SLC35D1: variants seen among roughly 807,000 people sequenced by gnomAD.
SLC35D1 encodes nucleotide sugar transporter SLC35D1.
In SLC35D1, 31 loss-of-function variants were observed where a neutral mutation model predicts 46.7. The observed-to-expected ratio is 0.66, with a 90% CI of 0.50 to 0.90. SLC35D1 has a LOEUF of 0.90. SLC35D1 is among the 40% of genes least tolerant of loss of function. SLC35D1 has a pLI of 0.00. For missense variants in SLC35D1, 397 were observed against 426.2 expected (o/e 0.93, Z 0.60); for synonymous variants, 195 against 164.6 (o/e 1.18, Z -1.41).
At chr1:67,052,146 C>G in intron 3 of SLC35D1, 67 bp from the exon 4 acceptor site, 3 of 1,149,988 alleles carry the variant, frequency 2.6e-6, no homozygotes, top group Non-Finnish European at 3.9e-6. Context: ...TCCTTTCAAA[C>G]AGAAACAATT....
Position 67,002,977 on chromosome 1 carries a change from T to C in SLC35D1, c.*1363A>G, listed in dbSNP as rs992126889. ...CAAGAGGCAATTTAGGCAGTGCCCATTCACAGCTGCTCTCCCAAAATGCAG... is the reference window on the plus strand; with the variant it reads ...CAAGAGGCAATTTAGGCAGTGCCCACTCACAGCTGCTCTCCCAAAATGCAG... On this transcript the variant is annotated 3_prime_UTR_variant, in exon 12 of 12. Transcript: ENST00000235345. 1.3e-5 allele frequency: 2 copies of C among 152,360 alleles called. No individual in the cohort carries two copies. Among genetic ancestry groups the C allele is most frequent in the African/African-American group, 4.8e-5 (2 of 41,446 alleles). 9.4% of individuals were successfully genotyped at this position (152,360 alleles called of 1,614,324 possible).
At chr1:67,051,315 G>T (rs1645305864) in intron 4 of SLC35D1, among the ~76,000 whole-genome samples, 1 of 152,186 alleles carries the variant, frequency 6.6e-6, no homozygotes, top group South Asian at 2.1e-4. Flanking sequence ...CAGGGTTTTA[G>T]CTTGTGTGGT....
At position 67,049,766 on chromosome 1, in the gene SLC35D1, T is replaced by C; in HGVS notation, c.533+16A>G. On this transcript the variant is annotated intron_variant, in intron 6 of 11. Coordinates refer to ENST00000235345, the MANE Select transcript of SLC35D1 (RefSeq NM_015139.3). ...TTGACAATTTATAATGTGCTAGTCA[T>C]AGGCCCACATCTTACCTGGCAGCTA... is the stretch of plus-strand genomic sequence containing the variant. 6.2e-7 allele frequency: 1 copy of C among 1,607,714 alleles called. No homozygotes were observed.
intron 10 of SLC35D1, among the ~76,000 whole-genome samples, chr1:67,018,896 T>C (rs1430724495): frequency 1.3e-5 from 2 of 152,164 alleles, no homozygotes; most frequent in Non-Finnish European, 2.9e-5. Context: ...AAGCCATCCT[T>C]CAACAGTGAT....
At chr1:67,013,157 G>GATATATATATATATACGTATAT (rs964691631) in intron 10 of SLC35D1, among the ~76,000 whole-genome samples, 7 of 29,812 alleles carry the variant, frequency 2.3e-4, no homozygotes, top group African/African-American at 1.3e-3. Flanking sequence ...ATATCCTGGA[G>GATATATATATATATACGTATAT]ATATATATAT....
the SLC35D1 span, chr1:66,985,481 G>A: frequency 1.0e-6 from 1 of 983,106 alleles, no homozygotes. Context: ...GGTCAGGTTT[G>A]TATATGTAAA....
In SLC35D1 at chr1:67,042,305, G is replaced by A; in HGVS notation, c.660C>T (p.Leu220=). Residue 220 remains leucine, a synonymous_variant, in exon 8 of 12, where the codon CTC becomes CTT. Transcript: ENST00000235345. ...DSKELGKYGL[L]YYNALFMILP... is the part of the protein sequence containing the mutation. Reference sequence around the variant, plus strand: ...GAATCATGAACAGTGCATTGTAATAGAGCAGTCCATATTTTCCCAGCTCCT... The same window carrying A: ...GAATCATGAACAGTGCATTGTAATAAAGCAGTCCATATTTTCCCAGCTCCT... 1 of 1,614,124 alleles carries A rather than the reference G, an allele frequency of 6.2e-7. No individual in the cohort carries two copies. The highest frequency in any genetic ancestry group is 8.5e-7 in the Non-Finnish European group (1 of 1,180,010).
At chr1:66,974,949 G>T in the SLC35D1 span, among the ~76,000 whole-genome samples, 2 of 152,104 alleles carry the variant, frequency 1.3e-5, no homozygotes, top group African/African-American at 2.4e-5. Context: ...AGTTGACTTA[G>T]TTCGAATCTA....
At chr1:67,014,670 GTTTTTT>G (rs34459732) in intron 10 of SLC35D1, among the ~76,000 whole-genome samples, 8 of 99,988 alleles carry the variant, frequency 8.0e-5, no homozygotes, top group South Asian at 7.0e-4. Context: ...TCAATTTTTA[GTTTTTT>G]TTTTTTTTTT....
chr1:66,995,649 C>G (rs1048943630), downstream of SLC35D1, among the ~76,000 whole-genome samples: 1 of 151,792 alleles, frequency 6.6e-6, no homozygotes, highest in Non-Finnish European at 1.5e-5. Flanking sequence ...GCACTCCAAT[C>G]AAGGAGTGGG....
chr1:67,030,382 T>G (rs1368431216), intron 8 of SLC35D1, among the ~76,000 whole-genome samples: 1 of 152,168 alleles, frequency 6.6e-6, no homozygotes, highest in African/African-American at 2.4e-5. Context: ...CCAAAGTCAT[T>G]AAGAATACAG....
chr1:66,994,966 A>C (rs1667223063), downstream of SLC35D1, among the ~76,000 whole-genome samples: 1 of 151,710 alleles, frequency 6.6e-6, no homozygotes, highest in Admixed American at 6.6e-5. Flanking sequence ...AAAGAGAAAC[A>C]GTCTTATCAC....
intron 8 of SLC35D1, among the ~76,000 whole-genome samples, chr1:67,034,533 G>GT (rs1327060764): frequency 6.6e-6 from 1 of 152,102 alleles, no homozygotes; most frequent in Non-Finnish European, 1.5e-5. Context: ...ATTTTTGTAT[G>GT]TTGATTTTGT....
intron 8 of SLC35D1, among the ~76,000 whole-genome samples, chr1:67,041,668 T>C (rs1304481255): frequency 6.6e-6 from 1 of 152,230 alleles, no homozygotes; most frequent in East Asian, 1.9e-4. Context: ...AGATTTATTT[T>C]ACTACTCTAT....
chr1:66,994,711 G>A (rs1290281710), downstream of SLC35D1, among the ~76,000 whole-genome samples: 1 of 151,718 alleles, frequency 6.6e-6, no homozygotes, highest in Admixed American at 6.6e-5. Context: ...ATCCTACAGT[G>A]GATTATTAAA....
chr1:67,007,844 T>G (rs1382834261), intron 11 of SLC35D1, among the ~76,000 whole-genome samples: 4 of 152,166 alleles, frequency 2.6e-5, no homozygotes, highest in Non-Finnish European at 5.9e-5. Context: ...AATCAGGATC[T>G]TCTACTACTT....
downstream of SLC35D1, among the ~76,000 whole-genome samples, chr1:66,996,867 T>A (rs565044020): frequency 1.3e-5 from 2 of 152,322 alleles, no homozygotes; most frequent in South Asian, 2.1e-4. Context: ...GAGGGTTTTT[T>A]AAAGTTGATT....
At chr1:66,982,309 A>G in the SLC35D1 span, among the ~76,000 whole-genome samples, 1 of 152,276 alleles carries the variant, frequency 6.6e-6, no homozygotes, top group South Asian at 2.1e-4. Context: ...TAAGGTAACA[A>G]GTGCACTGTT....
rs1667509944 is a variant in SLC35D1 at position 67,009,099 on chromosome 1, A to T, written c.945T>A (p.Ile315=). Residue 315 remains isoleucine (I), a synonymous_variant, in exon 11 of 12, where the codon ATT becomes ATA. Coordinates refer to ENST00000235345, the MANE Select transcript of SLC35D1 (RefSeq NM_015139.3). ...GDYIFTWTNF[I]GLNISIAGSL... ...TTTTTACTTACCTGATATTTAAACC[A>T]ATGAAGTTTGTCCACGTGAAAATAT... 1 of 1,496,112 alleles carries T rather than the reference A, an allele frequency of 6.7e-7. No homozygotes were observed. The allele number at this position is 1,496,112 out of a possible 1,614,324, so 92.7% of individuals were successfully genotyped here. A position where few individuals can be genotyped will look rare whatever the true frequency, so the allele number is the denominator to read the frequency against.
Sources: gnomAD v4.1 joint callset for allele counts (sites outside exome capture counted in the v4.1 genomes callset) on GRCh38, gnomAD v4.1.1 for gene constraint, MANE v1.5 for transcripts, NCBI Gene and HGNC (gene_info 2026-07-23, HGNC 2026-07-21) for gene names.